TAAR2: variants seen among roughly 807,000 people sequenced by gnomAD.
TAAR2 encodes trace amine-associated receptor 2.
Under a neutral mutation model 25.5 loss-of-function variants are expected in TAAR2, and 30 were observed. The observed-to-expected ratio is 1.18, with a 90% CI of 0.88 to 1.60. TAAR2 has a LOEUF of 1.60. Among genes scored for constraint, TAAR2 ranks in the 40% most tolerant of loss-of-function variants. The pLI, the probability that TAAR2 is intolerant of heterozygous loss-of-function variation, is 0.00. For missense variants in TAAR2, 481 were observed against 416.5 expected, an observed-to-expected ratio of 1.15 and a Z score of -1.35; for synonymous variants, 150 against 142.4, an observed-to-expected ratio of 1.05 and a Z score of -0.38.
chr6:132,623,859 G>C (rs1481866564), intron 1 of TAAR2, among the ~76,000 whole-genome samples: 3 of 151,882 alleles, frequency 2.0e-5, no homozygotes, highest in Non-Finnish European at 4.4e-5. Context: ...TTACATAAAG[G>C]CTGTGAAAAC....
At position 132,617,263 on chromosome 6, in the gene TAAR2, A is replaced by G. The variant is rs200471202; in HGVS notation, c.943T>C (p.Tyr315His). The part of the protein sequence containing the change: ...YFNSTCNPLI[Y>H]GFFYPWFRRA... ...CGAAACCAGGGATAGAAGAAACCAT[A>G]TATTAACGGATTACATGTGGAGTTA... Residue 315 changes from tyrosine to histidine, a missense_variant, in exon 2 of 2, where the codon TAT (tyrosine) becomes CAT (histidine). Coordinates refer to ENST00000367931, the MANE Select transcript of TAAR2 (RefSeq NM_001033080.1). The G allele has an allele frequency of 2.2e-5, 35 of 1,613,816 alleles. No individual in the cohort carries two copies. The Admixed American group carries it at 4.7e-4, about 22-fold the overall frequency.
intron 1 of TAAR2, among the ~76,000 whole-genome samples, chr6:132,621,513 T>A (rs1582740389): frequency 6.6e-6 from 1 of 152,116 alleles, no homozygotes; most frequent in East Asian, 1.9e-4. Flanking sequence ...GAACATGTGG[T>A]GTTTGGTTTT....
Position 132,618,086 on chromosome 6 carries a change from C to T in TAAR2, c.120G>A (p.Leu40=). Residue 40 remains leucine (L), a synonymous_variant, in exon 2 of 2, where the codon CTG becomes CTA. Transcript: ENST00000367931. The part of the protein sequence containing the change: ...NRSCPENERS[L]GVRVAMYSFM... ...ATGAATACATAGCCACTCGGACACC[C>T]AGAGATCTTTCATTTTCTGGGCAAG... 6.2e-7 allele frequency: 1 copy of T among 1,612,702 alleles called. No homozygotes were observed. The highest frequency in any genetic ancestry group is 1.1e-5 in the South Asian group (1 of 90,742).
At chr6:132,618,426 G>A (rs1582739050) in intron 1 of TAAR2, among the ~76,000 whole-genome samples, 1 of 152,098 alleles carries the variant, frequency 6.6e-6, no homozygotes, top group East Asian at 1.9e-4. Flanking sequence ...GAGCACTGAA[G>A]GTCAGGAGTT....
Position 132,624,211 on chromosome 6 carries a change from C to A in TAAR2, c.60+5G>T, listed in dbSNP as rs746361630. 1.3e-5 allele frequency: 21 copies of A among 1,613,264 alleles called. No homozygotes were observed. Among genetic ancestry groups the A allele is most frequent in the Non-Finnish European group, 1.8e-5 (21 of 1,179,562 alleles). ...TTAAACTTAGTCATATGTTTAAGGG[C>A]CTACCTTTTTTGTCTGTGTTCTTTT... On this transcript the variant is annotated splice_donor_5th_base_variant and intron_variant, in intron 1 of 1. Transcript: ENST00000367931.
intron 1 of TAAR2, among the ~76,000 whole-genome samples, chr6:132,623,606 A>G (rs1299881333): frequency 6.6e-6 from 1 of 151,950 alleles, no homozygotes; most frequent in Non-Finnish European, 1.5e-5. Context: ...TTCTTCTCTA[A>G]CTACTGTTAA....
chr6:132,617,579 C>G lies in TAAR2; in HGVS notation c.627G>C (p.Trp209Cys). The change falls in exon 2 of 2, where the codon TGG (tryptophan) becomes TGC (cysteine). Residue 209 changes from tryptophan to cysteine, a missense_variant. Physicochemically the swap from Trp to Cys is radical, Grantham distance 215. Transcript: ENST00000367931. ...SSCPVMFNKLWGTTLFMAGFF... is the reference protein window; with the variant it reads ...SSCPVMFNKLCGTTLFMAGFF... ...AACCTGCCATAAACAAGGTGGTCCC[C>G]CATAGCTTGTTGAACATCACTGGGC... The G allele has an allele frequency of 6.2e-7, 1 of 1,613,964 alleles. No homozygotes were observed. The highest frequency in any genetic ancestry group is 8.5e-7 in the Non-Finnish European group (1 of 1,179,986).
chr6:132,622,912 C>A (rs72987679), intron 1 of TAAR2, among the ~76,000 whole-genome samples: 6,418 of 152,156 alleles, frequency 0.042, 184 homozygotes, highest in East Asian at 0.085. Flanking sequence ...CAATTTCTAT[C>A]AAATATTTAA....
At chr6:132,618,203 A>G (rs1777327420) in intron 1 of TAAR2, 58 bp from the exon 2 acceptor site, 3 of 1,441,480 alleles carry the variant, frequency 2.1e-6, no homozygotes, top group South Asian at 1.5e-5. Flanking sequence ...TATGTTTTAT[A>G]TATGCTTTCA....
intron 1 of TAAR2, among the ~76,000 whole-genome samples, chr6:132,620,707 T>A (rs1245881562): frequency 6.6e-6 from 1 of 151,950 alleles, no homozygotes; most frequent in Admixed American, 6.6e-5. Context: ...GATGAAATAA[T>A]CTGTACAACA....
chr6:132,623,192 T>C (rs1582741116), intron 1 of TAAR2, among the ~76,000 whole-genome samples: 1 of 152,204 alleles, frequency 6.6e-6, no homozygotes, highest in East Asian at 1.9e-4. Context: ...TTATAAATAC[T>C]TAATAGTTAA....
chr6:132,621,348 C>A (rs1777371436), intron 1 of TAAR2, among the ~76,000 whole-genome samples: 1 of 151,962 alleles, frequency 6.6e-6, no homozygotes, highest in Non-Finnish European at 1.5e-5. Flanking sequence ...CTGCAGCTGT[C>A]AACCCACCTT....
At chr6:132,620,338 A>T (rs1432710449) in intron 1 of TAAR2, among the ~76,000 whole-genome samples, 1 of 152,228 alleles carries the variant, frequency 6.6e-6, no homozygotes, top group Non-Finnish European at 1.5e-5. Context: ...ATTGCATACC[A>T]CAAAATAGAA....
At position 132,617,471 on chromosome 6, in the gene TAAR2, G is replaced by A; in HGVS notation, c.735C>T (p.Asn245=). Residue 245 remains asparagine (N), a synonymous_variant, in exon 2 of 2, where the codon AAC becomes AAT. Coordinates refer to ENST00000367931, the MANE Select transcript of TAAR2 (RefSeq NM_001033080.1). Reference sequence around the variant, plus strand: ...CTTGATTATTTTGATTTTCTCGCAAGTTATTGATGGCATGAGCATGTTTTC... The same window carrying A: ...CTTGATTATTTTGATTTTCTCGCAAATTATTGATGGCATGAGCATGTTTTC... ...VSRKHAHAIN[N]LRENQNNQVK... is the part of the protein sequence containing the mutation. 3 of 1,613,846 alleles carry A rather than the reference G, an allele frequency of 1.9e-6. No individual in the cohort carries two copies. The highest frequency in any genetic ancestry group is 1.1e-5 in the South Asian group (1 of 91,042).
chr6:132,623,313 C>T (rs1186475954), intron 1 of TAAR2, among the ~76,000 whole-genome samples: 1 of 152,162 alleles, frequency 6.6e-6, no homozygotes, highest in East Asian at 1.9e-4. Context: ...CATGTTATTT[C>T]GTTCACATGT....
chr6:132,618,060 A>C lies in TAAR2; in HGVS notation c.146T>G (p.Phe49Cys). ...SLGVRVAMYSFMAGSIFITIF... is the reference protein window; with the variant it reads ...SLGVRVAMYSCMAGSIFITIF... ...TGTGATGAATATGGATCCTGCCATAAATGAATACATAGCCACTCGGACACC... is the reference window on the plus strand; with the variant it reads ...TGTGATGAATATGGATCCTGCCATACATGAATACATAGCCACTCGGACACC... Residue 49 changes from phenylalanine to cysteine, a missense_variant, in exon 2 of 2, where the codon TTT becomes TGT. Coordinates refer to ENST00000367931, the MANE Select transcript of TAAR2 (RefSeq NM_001033080.1). 6.2e-7 allele frequency: 1 copy of C among 1,614,066 alleles called. No individual in the cohort carries two copies. Among genetic ancestry groups the C allele is most frequent in the Non-Finnish European group, 8.5e-7 (1 of 1,179,952 alleles).
intron 1 of TAAR2, among the ~76,000 whole-genome samples, chr6:132,618,473 C>G (rs1324947023): frequency 6.6e-6 from 1 of 152,068 alleles, no homozygotes; most frequent in East Asian, 1.9e-4. Context: ...AACCCCATCT[C>G]TACTAAAAAT....
In TAAR2 at chr6:132,622,763, C is replaced by T. The variant is rs570887905; in HGVS notation, c.60+1453G>A. Among the ~76,000 whole-genome samples, 6 of 152,140 alleles carry T rather than the reference C, an allele frequency of 3.9e-5. No homozygotes were observed. The South Asian group carries it at 1.0e-3, about 26-fold the overall frequency. ...CCTCCCAAAGTTCTGGAATTACAGG[C>T]GTGAGCCACCACACCCTGCCTAGTA... On this transcript the variant is annotated intron_variant, in intron 1 of 1. Coordinates refer to ENST00000367931, the MANE Select transcript of TAAR2 (RefSeq NM_001033080.1).
chr6:132,624,054 T>C (rs538789502), intron 1 of TAAR2, among the ~76,000 whole-genome samples, 162 bp downstream of exon 1: 8 of 152,320 alleles, frequency 5.3e-5, no homozygotes, highest in African/African-American at 1.9e-4. Flanking sequence ...GTCTTCCTCA[T>C]TTTTTCTTTG....
Sources: gnomAD v4.1 joint callset for allele counts (sites outside exome capture counted in the v4.1 genomes callset) on GRCh38, gnomAD v4.1.1 for gene constraint, MANE v1.5 for transcripts, NCBI Gene and HGNC (gene_info 2026-07-23, HGNC 2026-07-21) for gene names.